The following SNX8 variants were observed in gnomAD, a reference collection of about 807,000 sequenced individuals.
The protein encoded by SNX8 is sorting nexin-8.
In SNX8, 25 loss-of-function variants were observed where a neutral mutation model predicts 51.6. The observed-to-expected ratio is 0.48, with a 90% CI of 0.35 to 0.68. The LOEUF is 0.68. SNX8 is among the 30% of genes least tolerant of loss of function. The probability of loss-of-function intolerance (pLI) is 0.00; values close to 1 mark genes in which losing one functional copy is unlikely to be tolerated. For missense variants in SNX8, 695 were observed against 624.0 expected, an observed-to-expected ratio of 1.11 and a Z score of -1.21; for synonymous variants, 324 against 277.0, an observed-to-expected ratio of 1.17 and a Z score of -1.68.
intron 1 of SNX8, among the ~76,000 whole-genome samples, chr7:2,340,628 G>C (rs1258508230): frequency 6.6e-6 from 1 of 150,668 alleles, no homozygotes; most frequent in Admixed American, 6.6e-5. Flanking sequence ...AGGCTGAAGA[G>C]GGCGGGTCAC....
At chr7:2,294,343 T>C (rs575405975) in intron 1 of SNX8, among the ~76,000 whole-genome samples, 5 of 151,556 alleles carry the variant, frequency 3.3e-5, no homozygotes, top group African/African-American at 1.2e-4. Context: ...CCCACCACAA[T>C]GGCTATAATC....
chr7:2,333,616 G>C (rs1026725311), intron 1 of SNX8, among the ~76,000 whole-genome samples: 2 of 152,066 alleles, frequency 1.3e-5, no homozygotes, highest in African/African-American at 4.8e-5. Flanking sequence ...TATTGTCATA[G>C]GGAGACACAA....
intron 1 of SNX8, among the ~76,000 whole-genome samples, chr7:2,319,748 G>C (rs548748849): frequency 7.0e-4 from 105 of 149,582 alleles, no homozygotes; most frequent in African/African-American, 2.3e-3. Flanking sequence ...CTGGGAGCCG[G>C]AGCTTGCAGT....
intron 1 of SNX8, among the ~76,000 whole-genome samples, chr7:2,280,484 A>C (rs1795884062): frequency 6.6e-6 from 1 of 152,070 alleles, no homozygotes; most frequent in Admixed American, 6.6e-5. Flanking sequence ...TCTCAAAAAA[A>C]AAAAAAAGTT....
chr7:2,298,036 A>AT (rs937165367), intron 1 of SNX8, among the ~76,000 whole-genome samples: 2 of 152,010 alleles, frequency 1.3e-5, no homozygotes, highest in Admixed American at 6.6e-5. Flanking sequence ...AAATAAAAAT[A>AT]TTTTTTTAAA....
intron 1 of SNX8, among the ~76,000 whole-genome samples, chr7:2,335,036 G>C (rs1280187971): frequency 2.0e-5 from 3 of 151,378 alleles, no homozygotes; most frequent in South Asian, 4.2e-4. Context: ...TCTCTACTAA[G>C]AATACATAAA....
intron 2 of SNX8, among the ~76,000 whole-genome samples, 194 bp from the exon 3 acceptor site, chr7:2,275,423 G>A (rs1368500584): frequency 2.0e-5 from 3 of 152,236 alleles, no homozygotes; most frequent in Admixed American, 6.5e-5. Flanking sequence ...TCTTAGGCCG[G>A]GTGCGGTGGC....
chr7:2,314,253 C>T, intron 1 of SNX8, 75 bp downstream of exon 1: 1 of 1,206,974 alleles, frequency 8.3e-7, no homozygotes, highest in Non-Finnish European at 1.0e-6. Flanking sequence ...AGCGCGGCGG[C>T]TGAGCCCCGT....
Position 2,284,893 on chromosome 7 carries a change from G to C in SNX8, c.95-6588C>G, listed in dbSNP as rs558094595. Among the ~76,000 whole-genome samples, 8 of 151,984 alleles carry C rather than the reference G, an allele frequency of 5.3e-5. No individual in the cohort carries two copies. The East Asian group carries it at 1.4e-3, about 26-fold the overall frequency. On this transcript the variant is annotated intron_variant, in intron 1 of 10. Coordinates refer to ENST00000222990, the MANE Select transcript of SNX8 (RefSeq NM_013321.4). ...TTCTCTACTTACACATTCTGAGTCG[G>C]CTAATAAATAAATAAGTAAATTAAT...
intron 1 of SNX8, among the ~76,000 whole-genome samples, chr7:2,310,396 G>C (rs1796636833): frequency 6.6e-6 from 1 of 152,128 alleles, no homozygotes; most frequent in Admixed American, 6.6e-5. Context: ...GGCCCGGGTG[G>C]GAGGATTGCT....
At chr7:2,320,347 T>C (rs1207516350) in intron 1 of SNX8, among the ~76,000 whole-genome samples, 1 of 152,146 alleles carries the variant, frequency 6.6e-6, no homozygotes, top group East Asian at 1.9e-4. Flanking sequence ...TGCAGCCCAG[T>C]TGGAAGACCC....
intron 1 of SNX8, among the ~76,000 whole-genome samples, chr7:2,287,641 C>T (rs1796061580): frequency 6.6e-6 from 1 of 151,948 alleles, no homozygotes. Context: ...GTCCCAGCTA[C>T]TTGGGAGACT....
At chr7:2,316,484 C>T (rs1422297752), upstream of SNX8, among the ~76,000 whole-genome samples, 1 of 150,558 alleles carries the variant, frequency 6.6e-6, no homozygotes, top group African/African-American at 2.5e-5. Context: ...CACTCACTCA[C>T]TGCATCCTGC....
chr7:2,298,447 G>A lies in SNX8; in HGVS notation c.94+15881C>T, dbSNP rs919357653. 3.9e-5 allele frequency among the ~76,000 whole-genome samples: 6 copies of A among 152,000 alleles called. 1 individual carries two copies. The highest frequency in any genetic ancestry group is 9.7e-5 in the African/African-American group (4 of 41,292). On this transcript the variant is annotated intron_variant, in intron 1 of 10. Transcript: ENST00000222990. ...TGCAGTGGTGCAATCTCGGCTCTCT[G>A]CAACCGCAGCCTCCCAGGTTCCAGC...
chr7:2,290,771 C>T (rs962606915), intron 1 of SNX8, among the ~76,000 whole-genome samples: 3 of 152,246 alleles, frequency 2.0e-5, no homozygotes, highest in Middle Eastern at 6.8e-3. Flanking sequence ...GTCAACAGAC[C>T]CTGCCACACT....
chr7:2,342,225 C>A (rs556559826), intron 1 of SNX8, among the ~76,000 whole-genome samples: 1 of 151,566 alleles, frequency 6.6e-6, no homozygotes, highest in African/African-American at 2.4e-5. Context: ...AATAAATGTA[C>A]TTCAGGTAGA....
intron 1 of SNX8, among the ~76,000 whole-genome samples, chr7:2,339,549 C>A (rs904005609): frequency 6.6e-6 from 1 of 152,086 alleles, no homozygotes; most frequent in African/African-American, 2.4e-5. Flanking sequence ...GAACTATTCA[C>A]AGATAGCAAA....
rs1270000620 is a variant in SNX8 at position 2,253,880 on chromosome 7, C to G, written c.*1176G>C. ...TGCGGAGCGGAGGGACCTCGGAAAC[C>G]CTGGAGCCCGGCGGGCCTCTTCCAG... On this transcript the variant is annotated 3_prime_UTR_variant, in exon 11 of 11. Transcript: ENST00000222990. The G allele has an allele frequency of 1.3e-5, 2 of 152,290 alleles. No individual in the cohort carries two copies. The highest frequency in any genetic ancestry group is 2.9e-5 in the Non-Finnish European group (2 of 68,148). The allele number at this position is 152,290 out of a possible 1,614,324, so 9.4% of individuals were successfully genotyped here.
intron 8 of SNX8, 22 bp downstream of exon 8, chr7:2,257,713 C>T (rs747041574): frequency 6.2e-7 from 1 of 1,610,984 alleles, no homozygotes; most frequent in Non-Finnish European, 8.5e-7. Context: ...CTGCCCCCAG[C>T]CAAGGAGCAG....
Sources: allele counts gnomAD v4.1 joint callset (sites outside exome capture counted in the v4.1 genomes callset), GRCh38; gene constraint gnomAD v4.1.1; transcripts MANE v1.5; gene names NCBI Gene and HGNC (gene_info 2026-07-23, HGNC 2026-07-21).